RAD54B: variants seen among roughly 807,000 people sequenced by gnomAD.
The protein encoded by RAD54B is DNA repair and recombination protein RAD54B.
A neutral mutation model predicts 95.8 loss-of-function variants in RAD54B; 78 were observed. The ratio of observed to expected loss-of-function variants is 0.81; its 90% confidence interval spans 0.68 to 0.98. RAD54B has a LOEUF of 0.98. RAD54B is among the 50% of genes least tolerant of loss of function. RAD54B has a pLI of 0.00. For missense variants in RAD54B, 957 were observed against 1,056.6 expected (o/e 0.91, Z 1.31); for synonymous variants, 328 against 354.9 (o/e 0.92, Z 0.85).
At chr8:94,404,301 T>A in intron 5 of RAD54B, 62 bp from the exon 6 acceptor site, 1 of 1,394,698 alleles carries the variant, frequency 7.2e-7, no homozygotes. Context: ...AACATTATCT[T>A]GTTTTCATTA....
At chr8:94,429,249 A>G in intron 3 of RAD54B, 1 of 545,498 alleles carries the variant, frequency 1.8e-6, no homozygotes, top group Non-Finnish European at 2.3e-6. Context: ...TGCTGCAGAA[A>G]AATATGATTG....
chr8:94,404,574 T>C (rs777368282), intron 5 of RAD54B, among the ~76,000 whole-genome samples: 1 of 152,218 alleles, frequency 6.6e-6, no homozygotes, highest in Non-Finnish European at 1.5e-5. Context: ...AGAGAACTAT[T>C]TCCAACTGAA....
At chr8:94,414,539 G>A (rs1420676736) in intron 3 of RAD54B, among the ~76,000 whole-genome samples, 4 of 152,190 alleles carry the variant, frequency 2.6e-5, no homozygotes, top group South Asian at 4.2e-4. Context: ...AGCATGAAGC[G>A]TTGTTGAATT....
intron 3 of RAD54B, chr8:94,429,020 TGAG>T (rs1812015949): frequency 1.0e-6 from 1 of 983,478 alleles, no homozygotes; most frequent in South Asian, 4.7e-5. Context: ...AGGTAGACAA[TGAG>T]GAGAATTATA....
At chr8:94,450,208 T>C (rs1188755629) in intron 3 of RAD54B, among the ~76,000 whole-genome samples, 1 of 152,234 alleles carries the variant, frequency 6.6e-6, no homozygotes, top group Admixed American at 6.5e-5. Flanking sequence ...TAGGTTGTTA[T>C]ATAAGGAAGT....
chr8:94,371,970 T>A lies in RAD54B; in HGVS notation c.*200A>T. ...AATTATTAACAATTATACAATGATA[T>A]AAGCACATCTTTATTTTTCATTTAA... On this transcript the variant is annotated 3_prime_UTR_variant, in exon 15 of 15. Coordinates refer to ENST00000336148, the MANE Select transcript of RAD54B (RefSeq NM_012415.3). The A allele has an allele frequency of 1.1e-6, 1 of 880,514 alleles. No individual in the cohort carries two copies. Among genetic ancestry groups the A allele is most frequent in the Admixed American group, 3.9e-5 (1 of 25,774 alleles). 54.5% of individuals were successfully genotyped at this position (880,514 alleles called of 1,614,324 possible).
In RAD54B at chr8:94,391,836, G is replaced by A; in HGVS notation, c.1582C>T (p.Leu528Phe). 1 of 1,613,830 alleles carries A rather than the reference G, an allele frequency of 6.2e-7. No individual in the cohort carries two copies. The highest frequency in any genetic ancestry group is 8.5e-7 in the Non-Finnish European group (1 of 1,179,942). ...ELTCLTGLFI[L>F]RRTQEIINKY... ...TTTATAATTTCTTGGGTTCTTCTAA[G>A]GATAAAGAGTCCAGTGAGGCAAGTA... Residue 528 changes from leucine to phenylalanine, a missense_variant, in exon 10 of 15, where the codon CTT becomes TTT. Leu to Phe is a conservative substitution (Grantham distance 22). Coordinates refer to ENST00000336148, the MANE Select transcript of RAD54B (RefSeq NM_012415.3).
intron 3 of RAD54B, among the ~76,000 whole-genome samples, chr8:94,426,864 C>T (rs1267588966): frequency 6.6e-6 from 1 of 152,082 alleles, no homozygotes; most frequent in Non-Finnish European, 1.5e-5. Flanking sequence ...AACACACATG[C>T]ACAAATAAAT....
chr8:94,400,276 G>C lies in RAD54B; in HGVS notation c.1132C>G (p.Leu378Val). The C allele has an allele frequency of 6.2e-7, 1 of 1,613,570 alleles. No individual in the cohort carries two copies. Among genetic ancestry groups the C allele is most frequent in the Non-Finnish European group, 8.5e-7 (1 of 1,179,754 alleles). The change falls in exon 7 of 15, where the codon CTA becomes GTA. Residue 378 changes from leucine to valine, a missense_variant. Leu to Val is a conservative substitution (Grantham distance 32). Coordinates refer to ENST00000336148, the MANE Select transcript of RAD54B (RefSeq NM_012415.3). ...NNWKKEFQKW[L>V]GSERIKIFTV... is the part of the protein sequence containing the mutation. ...AATATCTTGATCCTTTCACTTCCTAGCCATTTTTGAAATTCTTTCTTCCAA... is the reference window on the plus strand; with the variant it reads ...AATATCTTGATCCTTTCACTTCCTACCCATTTTTGAAATTCTTTCTTCCAA...
intron 4 of RAD54B, among the ~76,000 whole-genome samples, chr8:94,409,370 TTTTC>T (rs979591273): frequency 7.9e-5 from 12 of 151,418 alleles, no homozygotes; most frequent in Non-Finnish European, 1.2e-4. Context: ...TTTCTTTTCT[TTTTC>T]TTTCTTTTTT....
At chr8:94,380,476 A>T in intron 11 of RAD54B, 70 bp from the exon 12 acceptor site, 1 of 1,400,918 alleles carries the variant, frequency 7.1e-7, no homozygotes, top group Non-Finnish European at 9.7e-7. Flanking sequence ...GTTGAAAGAA[A>T]ATACCACAAT....
At chr8:94,438,357 C>T (rs904956809) in intron 3 of RAD54B, among the ~76,000 whole-genome samples, 4 of 152,170 alleles carry the variant, frequency 2.6e-5, no homozygotes, top group Non-Finnish European at 5.9e-5. Flanking sequence ...TAATTTGATT[C>T]CATAATAGTT....
At chr8:94,434,719 G>T (rs1812209078) in intron 3 of RAD54B, among the ~76,000 whole-genome samples, 1 of 151,250 alleles carries the variant, frequency 6.6e-6, no homozygotes. Context: ...AAAGAAATAA[G>T]CTAATACAGA....
At chr8:94,385,294 T>C (rs1029238450) in intron 11 of RAD54B, among the ~76,000 whole-genome samples, 3 of 151,884 alleles carry the variant, frequency 2.0e-5, no homozygotes, top group African/African-American at 7.3e-5. Flanking sequence ...CCAAAACTCT[T>C]TTCACTCATT....
intron 2 of RAD54B, among the ~76,000 whole-genome samples, chr8:94,466,555 G>A (rs1027061375): frequency 2.0e-5 from 3 of 151,832 alleles, no homozygotes; most frequent in Non-Finnish European, 4.4e-5. Context: ...TTATAGGCGC[G>A]TGCCACCATG....
intron 3 of RAD54B, chr8:94,431,412 T>A: frequency 1.0e-6 from 1 of 983,892 alleles, no homozygotes. Context: ...AACCTAACAA[T>A]CTTTAAAGGC....
chr8:94,387,163 T>C lies in RAD54B; in HGVS notation c.1810-4A>G. ...AAGTTGAGCTACATTCCTTTTCCTA[T>C]TCAAAATGATGATTGTTAATGCTGG... On this transcript the variant is annotated splice_polypyrimidine_tract_variant and splice_region_variant and intron_variant, in intron 10 of 14. Coordinates refer to ENST00000336148, the MANE Select transcript of RAD54B (RefSeq NM_012415.3). 6.4e-7 allele frequency: 1 copy of C among 1,569,828 alleles called. No homozygotes were observed. The highest frequency in any genetic ancestry group is 8.6e-7 in the Non-Finnish European group (1 of 1,163,210).
At chr8:94,428,924 A>G (rs1411838609) in intron 3 of RAD54B, 20 of 984,720 alleles carry the variant, frequency 2.0e-5, no homozygotes, top group Non-Finnish European at 2.4e-5. Flanking sequence ...ACAGCCTCGG[A>G]AAAGGATTCT....
At chr8:94,423,749 A>T (rs1285473606) in intron 3 of RAD54B, among the ~76,000 whole-genome samples, 1 of 152,202 alleles carries the variant, frequency 6.6e-6, no homozygotes, top group Admixed American at 6.5e-5. Flanking sequence ...TTAGCTTTTG[A>T]ACTCTTTTCA....
Sources: allele counts gnomAD v4.1 joint callset (sites outside exome capture counted in the v4.1 genomes callset), GRCh38; gene constraint gnomAD v4.1.1; transcripts MANE v1.5; gene names NCBI Gene and HGNC (gene_info 2026-07-23, HGNC 2026-07-21).